Variants in POU2F1 observed in about 807,000 individuals in gnomAD.
POU2F1 encodes POU class 2 homeobox 1, also known as POU domain, class 2, transcription factor 1.
Under a neutral mutation model 84.9 loss-of-function variants are expected in POU2F1, and 16 were observed. That is an observed-to-expected ratio of 0.19 (90% CI 0.13 to 0.29). The LOEUF (loss-of-function observed/expected upper bound fraction) is 0.29, where lower values mean the gene tolerates loss of function less well. Among genes scored for constraint, POU2F1 ranks in the 10% least tolerant of loss-of-function variants. The pLI is 1.00. For missense variants in POU2F1, 738 were observed against 942.6 expected (o/e 0.78, Z 2.84); for synonymous variants, 368 against 368.3 (o/e 1.00, Z 0.01).
At chr1:167,359,810 T>TG (rs147978698) in intron 2 of POU2F1, among the ~76,000 whole-genome samples, 3,576 of 149,482 alleles carry the variant, frequency 0.024, 141 homozygotes, top group African/African-American at 0.083. Flanking sequence ...AGTGTGTACG[T>TG]GGTTTTTTTT....
intron 8 of POU2F1, among the ~76,000 whole-genome samples, chr1:167,384,475 G>T (rs1647810760): frequency 6.6e-6 from 1 of 152,032 alleles, no homozygotes; most frequent in South Asian, 2.1e-4. Flanking sequence ...TCTAGCTGTT[G>T]CTTTGAACAT....
At chr1:167,365,056 C>G (rs996209562) in intron 2 of POU2F1, among the ~76,000 whole-genome samples, 1 of 152,190 alleles carries the variant, frequency 6.6e-6, no homozygotes, top group Non-Finnish European at 1.5e-5. Flanking sequence ...ATAAGTCTTT[C>G]TTGCTCTTGG....
intron 1 of POU2F1, among the ~76,000 whole-genome samples, chr1:167,298,443 T>C (rs942675545): frequency 1.3e-5 from 2 of 152,152 alleles, no homozygotes; most frequent in African/African-American, 2.4e-5. Context: ...ACAAGTTAAA[T>C]GTAAATTTTT....
At chr1:167,393,145 T>C (rs1294981482) in intron 9 of POU2F1, among the ~76,000 whole-genome samples, 2 of 152,170 alleles carry the variant, frequency 1.3e-5, no homozygotes, top group African/African-American at 4.8e-5. Flanking sequence ...TTTTTAAAAA[T>C]ATCAAAGGGA....
rs565514031 is a variant in POU2F1 at position 167,256,672 on chromosome 1, T to TA, written c.61+35715dup. Among the ~76,000 whole-genome samples the TA allele has an allele frequency of 4.6e-5, 7 of 152,318 alleles. No individual in the cohort carries two copies. In the East Asian group the frequency reaches 1.3e-3, roughly 29 times the overall value. ...ATCTCACTTACGCCACCCGAAAAGT[T>TA]ACGAAATGATAGTCTTTGGATGTGT... On this transcript the variant is annotated intron_variant, in intron 1 of 15. Transcript: ENST00000367866.
intron 8 of POU2F1, among the ~76,000 whole-genome samples, chr1:167,385,089 A>G (rs1647864603): frequency 6.6e-6 from 1 of 152,128 alleles, no homozygotes; most frequent in African/African-American, 2.4e-5. Context: ...AGAAAAAGAA[A>G]TTTACAGTAC....
chr1:167,233,433 T>C (rs1322897717), intron 1 of POU2F1, among the ~76,000 whole-genome samples: 1 of 152,114 alleles, frequency 6.6e-6, no homozygotes. Flanking sequence ...CTCCTGTGCC[T>C]GGCCTAGGTA....
intron 11 of POU2F1, 95 bp from the exon 12 acceptor site, chr1:167,399,091 C>T: frequency 7.9e-7 from 1 of 1,267,118 alleles, no homozygotes; most frequent in Non-Finnish European, 1.1e-6. Flanking sequence ...TCATATGTAT[C>T]CCAGCTTCAT....
At chr1:167,318,649 A>T (rs960867243) in intron 1 of POU2F1, among the ~76,000 whole-genome samples, 1 of 152,214 alleles carries the variant, frequency 6.6e-6, no homozygotes, top group Non-Finnish European at 1.5e-5. Flanking sequence ...ATGTCCAGGC[A>T]TTATTTGCCA....
chr1:167,378,402 ATTTTTTT>A (rs71572454), intron 7 of POU2F1, among the ~76,000 whole-genome samples: 3 of 108,428 alleles, frequency 2.8e-5, no homozygotes, highest in South Asian at 2.9e-4. Flanking sequence ...TGCCCAGCTA[ATTTTTTT>A]TTTTTTTTTT....
At chr1:167,316,415 C>G (rs1171887441) in intron 1 of POU2F1, among the ~76,000 whole-genome samples, 2 of 152,066 alleles carry the variant, frequency 1.3e-5, no homozygotes, top group Admixed American at 1.3e-4. Context: ...TCCTTGATAA[C>G]TAGGAGAATG....
intron 7 of POU2F1, chr1:167,380,252 T>G (rs1647423388): frequency 6.6e-6 from 1 of 152,198 alleles, no homozygotes; most frequent in African/African-American, 2.4e-5. Flanking sequence ...TTAGGATACT[T>G]TCAGTGTTCA....
intron 8 of POU2F1, chr1:167,387,163 C>G: frequency 2.2e-6 from 1 of 456,000 alleles, no homozygotes; most frequent in South Asian, 1.5e-5. Context: ...TCACTGAATT[C>G]TACTCTGCCA....
intron 2 of POU2F1, among the ~76,000 whole-genome samples, chr1:167,358,793 ATTC>A (rs1659158621): frequency 7.9e-6 from 1 of 127,364 alleles, no homozygotes; most frequent in African/African-American, 2.9e-5. Flanking sequence ...GCCTCAAGTA[ATTC>A]TTCTGCTTCA....
chr1:167,357,224 T>C (rs1311523456), intron 2 of POU2F1, among the ~76,000 whole-genome samples: 1 of 152,128 alleles, frequency 6.6e-6, no homozygotes. Flanking sequence ...CCCCCTTATC[T>C]TCTTCTTAAT....
intron 1 of POU2F1, among the ~76,000 whole-genome samples, chr1:167,254,341 T>C (rs1479863509): frequency 6.6e-6 from 1 of 152,224 alleles, no homozygotes; most frequent in African/African-American, 2.4e-5. Flanking sequence ...ATTTGTTTCT[T>C]AGCATCCTGA....
chr1:167,338,911 A>G (rs909295679), intron 2 of POU2F1, among the ~76,000 whole-genome samples: 1 of 152,136 alleles, frequency 6.6e-6, no homozygotes, highest in Admixed American at 6.5e-5. Context: ...CCGTTTTTCA[A>G]TTCTTTGGTT....
intron 1 of POU2F1, among the ~76,000 whole-genome samples, chr1:167,285,068 A>T (rs1653421291): frequency 6.6e-6 from 1 of 152,244 alleles, no homozygotes; most frequent in South Asian, 2.1e-4. Context: ...CAAGAGCAAT[A>T]GGCTTATTAA....
chr1:167,377,448 G>C (rs191063767), intron 7 of POU2F1, among the ~76,000 whole-genome samples: 1 of 152,226 alleles, frequency 6.6e-6, no homozygotes, highest in Middle Eastern at 3.4e-3. Context: ...ATAGCCAGGC[G>C]TGGTGGCAGG....
Sources: allele counts gnomAD v4.1 joint callset (sites outside exome capture counted in the v4.1 genomes callset), GRCh38; gene constraint gnomAD v4.1.1; transcripts MANE v1.5; gene names NCBI Gene and HGNC (gene_info 2026-07-23, HGNC 2026-07-21).